ADARB2: variants seen among roughly 807,000 people sequenced by gnomAD.
ADARB2 encodes the protein inactive double-stranded RNA-specific editase B2.
Under a neutral mutation model 62.2 loss-of-function variants are expected in ADARB2, and 25 were observed. The ratio of observed to expected loss-of-function variants is 0.40; its 90% CI spans 0.29 to 0.56. The LOEUF is 0.56. ADARB2 is among the 20% of genes least tolerant of loss of function. The probability of loss-of-function intolerance (pLI) is 0.43; values close to 1 mark genes in which losing one functional copy is unlikely to be tolerated. For missense variants in ADARB2, 1,071 were observed against 1,077.4 expected, an observed-to-expected ratio of 0.99 and a Z score of 0.08; for synonymous variants, 572 against 500.8, an observed-to-expected ratio of 1.14 and a Z score of -1.90.
intron 1 of ADARB2, among the ~76,000 whole-genome samples, chr10:1,551,706 A>G (rs936640984): frequency 2.0e-5 from 3 of 152,224 alleles, no homozygotes; most frequent in East Asian, 3.9e-4. Flanking sequence ...AGGGCCTGGG[A>G]TTGGCTCCAA....
chr10:1,577,279 C>T (rs1286416354), intron 1 of ADARB2, among the ~76,000 whole-genome samples: 1 of 146,290 alleles, frequency 6.8e-6, no homozygotes, highest in African/African-American at 2.5e-5. Flanking sequence ...CTCATGCACA[C>T]AGAAGGTGGA....
At chr10:1,515,080 T>G (rs1471453620) in intron 1 of ADARB2, among the ~76,000 whole-genome samples, 1 of 152,224 alleles carries the variant, frequency 6.6e-6, no homozygotes, top group Non-Finnish European at 1.5e-5. Flanking sequence ...AATTTAAATT[T>G]TAGCTGGAGG....
chr10:1,577,566 C>A (rs546749772), intron 1 of ADARB2, among the ~76,000 whole-genome samples: 41 of 152,346 alleles, frequency 2.7e-4, no homozygotes, highest in Non-Finnish European at 5.6e-4. Flanking sequence ...GGGCCTCCGA[C>A]CAGGGCTGGC....
intron 1 of ADARB2, among the ~76,000 whole-genome samples, chr10:1,687,844 C>G: frequency 6.6e-6 from 1 of 152,112 alleles, no homozygotes; most frequent in Non-Finnish European, 1.5e-5. Context: ...TGCCTCCACT[C>G]CTTTCCAGAT....
At chr10:1,724,773 A>T (rs1835142424) in intron 1 of ADARB2, among the ~76,000 whole-genome samples, 1 of 152,216 alleles carries the variant, frequency 6.6e-6, no homozygotes, top group Non-Finnish European at 1.5e-5. Flanking sequence ...GGGAGAGAGG[A>T]TGTAACCTAG....
chr10:1,225,102 G>A, intron 6 of ADARB2, among the ~76,000 whole-genome samples: 1 of 152,094 alleles, frequency 6.6e-6, no homozygotes. Context: ...GGGTGCTCCT[G>A]TATTGGGTGC....
At chr10:1,413,576 C>T (rs529222639) in intron 1 of ADARB2, among the ~76,000 whole-genome samples, 186 of 152,208 alleles carry the variant, frequency 1.2e-3, no homozygotes, top group Admixed American at 2.8e-3. Context: ...GTCCTCCTAT[C>T]GGCCCTGTTT....
chr10:1,597,880 T>C (rs1056142675), intron 1 of ADARB2, among the ~76,000 whole-genome samples: 1 of 152,212 alleles, frequency 6.6e-6, no homozygotes. Flanking sequence ...TAAGTGTCCA[T>C]CAGCAATGCA....
intron 3 of ADARB2, among the ~76,000 whole-genome samples, chr10:1,278,179 C>T (rs1831337158): frequency 6.6e-6 from 1 of 152,068 alleles, no homozygotes; most frequent in Admixed American, 6.5e-5. Context: ...GGAGTTTTGC[C>T]ATGTTGGTCA....
intron 3 of ADARB2, among the ~76,000 whole-genome samples, chr10:1,283,570 A>G (rs1002345074): frequency 6.6e-6 from 1 of 152,148 alleles, no homozygotes; most frequent in Non-Finnish European, 1.5e-5. Context: ...GATCTTGAGA[A>G]TGACTTCTGT....
At chr10:1,698,183 C>T (rs894569726) in intron 1 of ADARB2, among the ~76,000 whole-genome samples, 6 of 152,228 alleles carry the variant, frequency 3.9e-5, no homozygotes, top group African/African-American at 9.6e-5. Flanking sequence ...AGACTTAAAA[C>T]TCCTTTTCTT....
At chr10:1,390,945 A>G (rs758912317) in intron 1 of ADARB2, among the ~76,000 whole-genome samples, 1 of 152,244 alleles carries the variant, frequency 6.6e-6, no homozygotes, top group Non-Finnish European at 1.5e-5. Context: ...AGCAAACTAC[A>G]GAAAAAACAG....
chr10:1,565,764 T>C (rs767723228), intron 1 of ADARB2, among the ~76,000 whole-genome samples: 3 of 152,138 alleles, frequency 2.0e-5, no homozygotes, highest in Non-Finnish European at 2.9e-5. Flanking sequence ...TTCATCAAAG[T>C]ATTAGGAATG....
At chr10:1,652,450 G>T (rs1353213872) in intron 1 of ADARB2, among the ~76,000 whole-genome samples, 1 of 152,188 alleles carries the variant, frequency 6.6e-6, no homozygotes, top group African/African-American at 2.4e-5. Flanking sequence ...CCTTTCCAGA[G>T]CTCGGGGCTC....
intron 1 of ADARB2, among the ~76,000 whole-genome samples, chr10:1,587,794 G>C (rs985880446): frequency 5.3e-5 from 8 of 152,094 alleles, no homozygotes; most frequent in Non-Finnish European, 1.2e-4. Context: ...TTGAATCATG[G>C]GGGCGGTTCC....
At chr10:1,233,089 C>T (rs1204114637) in intron 6 of ADARB2, among the ~76,000 whole-genome samples, 2 of 152,062 alleles carry the variant, frequency 1.3e-5, no homozygotes, top group Non-Finnish European at 2.9e-5. Context: ...AGGGAGAGCC[C>T]CACCCTGCCC....
chr10:1,635,571 T>G (rs1310388408), intron 1 of ADARB2, among the ~76,000 whole-genome samples: 1 of 152,152 alleles, frequency 6.6e-6, no homozygotes, highest in East Asian at 1.9e-4. Context: ...TGTGGGTGAT[T>G]GCCCCGCCCA....
chr10:1,728,041 CA>C (rs1564206271), intron 1 of ADARB2, among the ~76,000 whole-genome samples: 1 of 152,208 alleles, frequency 6.6e-6, no homozygotes, highest in African/African-American at 2.4e-5. Flanking sequence ...AAGCAAAATG[CA>C]AGAAAGATGA....
Position 1,199,606 on chromosome 10 carries a change from G to A in ADARB2, c.1864+360C>T, listed in dbSNP as rs573264885. Reference sequence around the variant, plus strand: ...GCCCACCTGGCTCTTCCTCAGCATCGCCTCCTGTGGGCGGCCAGGTGGGCA... The same window carrying A: ...GCCCACCTGGCTCTTCCTCAGCATCACCTCCTGTGGGCGGCCAGGTGGGCA... On this transcript the variant is annotated intron_variant, in intron 8 of 9. Transcript: ENST00000381312. 8 of 221,738 alleles carry A rather than the reference G, an allele frequency of 3.6e-5. No individual in the cohort carries two copies. The South Asian group carries it at 8.9e-4, about 25-fold the overall frequency. The allele number at this position is 221,738 out of a possible 1,614,324, so 13.7% of individuals were successfully genotyped here. A position where few individuals can be genotyped will look rare whatever the true frequency, so the allele number is the denominator to read the frequency against.
Sources: gnomAD v4.1 joint callset for allele counts (sites outside exome capture counted in the v4.1 genomes callset) on GRCh38, gnomAD v4.1.1 for gene constraint, MANE v1.5 for transcripts, NCBI Gene and HGNC (gene_info 2026-07-23, HGNC 2026-07-21) for gene names.